Variants in GPC6 observed in about 807,000 individuals in gnomAD.
The protein encoded by GPC6 is glypican 6, also known as glypican-6.
Under a neutral mutation model 55.2 loss-of-function variants are expected in GPC6, and 14 were observed. The ratio of observed to expected loss-of-function variants is 0.25; its 90% CI spans 0.17 to 0.40. The LOEUF (loss-of-function observed/expected upper bound fraction) is 0.40. GPC6 is among the 10% of genes least tolerant of loss of function. GPC6 has a pLI of 1.00. For synonymous variants in GPC6, 278 were observed against 259.6 expected (o/e 1.07, Z -0.68); for missense variants, 641 against 708.5 (o/e 0.90, Z 1.08).
chr13:94,202,128 G>A (rs1889771675), intron 4 of GPC6, among the ~76,000 whole-genome samples: 1 of 152,022 alleles, frequency 6.6e-6, no homozygotes, highest in Non-Finnish European at 1.5e-5. Context: ...TCCTCAAATG[G>A]ATCATAAATT....
At chr13:93,939,440 A>G (rs1013978970) in intron 3 of GPC6, among the ~76,000 whole-genome samples, 2 of 151,494 alleles carry the variant, frequency 1.3e-5, no homozygotes, top group Non-Finnish European at 2.9e-5. Context: ...TAATAATGAT[A>G]ATAATAAATA....
chr13:93,716,036 G>A (rs760674429), intron 2 of GPC6, among the ~76,000 whole-genome samples: 3 of 151,492 alleles, frequency 2.0e-5, no homozygotes, highest in Non-Finnish European at 3.0e-5. Flanking sequence ...GTATCCCCTC[G>A]TGACTCATAG....
chr13:93,770,597 C>T (rs1885259626), intron 2 of GPC6, among the ~76,000 whole-genome samples: 1 of 152,174 alleles, frequency 6.6e-6, no homozygotes. Flanking sequence ...GGTAGAAAGG[C>T]TTATCCACAC....
intron 1 of GPC6, among the ~76,000 whole-genome samples, chr13:93,528,795 G>A (rs1881752375): frequency 6.6e-6 from 1 of 152,074 alleles, no homozygotes; most frequent in South Asian, 2.1e-4. Context: ...AACACAAATG[G>A]AAAATGAGCC....
intron 3 of GPC6, among the ~76,000 whole-genome samples, chr13:93,914,382 A>G (rs1484205355): frequency 6.6e-6 from 1 of 152,178 alleles, no homozygotes; most frequent in Non-Finnish European, 1.5e-5. Flanking sequence ...CCATGTCCCT[A>G]CAAAGGACAT....
chr13:93,495,836 G>GGGGGTCAGGGGTCA (rs1566387906), intron 1 of GPC6, among the ~76,000 whole-genome samples: 2 of 147,198 alleles, frequency 1.4e-5, no homozygotes, highest in African/African-American at 5.0e-5. Flanking sequence ...TAGGCTGCTC[G>GGGGGTCAGGGGTCA]GGGGTCAGGG....
chr13:94,074,760 A>T (rs1220637165), intron 4 of GPC6, among the ~76,000 whole-genome samples: 1 of 152,218 alleles, frequency 6.6e-6, no homozygotes, highest in Non-Finnish European at 1.5e-5. Flanking sequence ...TCTGCCTTGT[A>T]GGAAGATGAT....
intron 2 of GPC6, among the ~76,000 whole-genome samples, chr13:93,751,214 A>G (rs1268264012): frequency 1.3e-5 from 2 of 152,146 alleles, no homozygotes; most frequent in East Asian, 3.9e-4. Context: ...AAGAGGAAGC[A>G]AGCCTGTATG....
intron 4 of GPC6, among the ~76,000 whole-genome samples, chr13:94,280,107 T>A (rs1002594650): frequency 1.1e-4 from 17 of 152,170 alleles, no homozygotes; most frequent in African/African-American, 4.1e-4. Flanking sequence ...AGAACTTGTT[T>A]TATAAATCTG....
At position 93,928,204 on chromosome 13, in the gene GPC6, G is replaced by A. The variant is rs116519447; in HGVS notation, c.711+97659G>A. 4.7e-3 allele frequency among the ~76,000 whole-genome samples: 713 copies of A among 152,208 alleles called. 5 individuals carry two copies. Among genetic ancestry groups the A allele is most frequent in the African/African-American group, 0.017 (687 of 41,546 alleles). On this transcript the variant is annotated intron_variant, in intron 3 of 8. Coordinates refer to ENST00000377047, the MANE Select transcript of GPC6 (RefSeq NM_005708.5). ...GGAGTATAGGTGGAGAAACATCTAGGTGACCACAACTGTATATCCTGAATA... is the reference window on the plus strand; with the variant it reads ...GGAGTATAGGTGGAGAAACATCTAGATGACCACAACTGTATATCCTGAATA...
intron 4 of GPC6, among the ~76,000 whole-genome samples, chr13:94,243,061 G>C (rs996258626): frequency 6.6e-6 from 1 of 152,072 alleles, no homozygotes; most frequent in African/African-American, 2.4e-5. Flanking sequence ...ACAGCTGACA[G>C]TGCCATGGCT....
chr13:94,335,179 G>A (rs748190037), intron 6 of GPC6, among the ~76,000 whole-genome samples: 2 of 152,148 alleles, frequency 1.3e-5, no homozygotes, highest in South Asian at 2.1e-4. Flanking sequence ...GGGCAACAAC[G>A]CTATAAAGGG....
At chr13:93,972,018 T>G (rs1880303337) in intron 3 of GPC6, among the ~76,000 whole-genome samples, 1 of 152,160 alleles carries the variant, frequency 6.6e-6, no homozygotes, top group South Asian at 2.1e-4. Flanking sequence ...ATCCATCCCT[T>G]AGGCAGAGAA....
chr13:94,256,531 G>C (rs1891509538), intron 4 of GPC6, among the ~76,000 whole-genome samples: 1 of 152,104 alleles, frequency 6.6e-6, no homozygotes, highest in Non-Finnish European at 1.5e-5. Context: ...GTATGGCATG[G>C]CCCATCTGCT....
intron 3 of GPC6, among the ~76,000 whole-genome samples, chr13:93,938,510 T>A (rs1566612733): frequency 6.6e-6 from 1 of 152,152 alleles, no homozygotes; most frequent in East Asian, 1.9e-4. Context: ...TATATTGGGA[T>A]AGCTGAAAAA....
intron 1 of GPC6, among the ~76,000 whole-genome samples, chr13:93,506,032 G>A (rs139167398): frequency 2.0e-5 from 3 of 152,160 alleles, no homozygotes; most frequent in East Asian, 1.9e-4. Context: ...ATTGGATACA[G>A]TTATTGCTGC....
At chr13:93,735,629 T>G (rs1001338215) in intron 2 of GPC6, among the ~76,000 whole-genome samples, 1 of 152,186 alleles carries the variant, frequency 6.6e-6, no homozygotes, top group South Asian at 2.1e-4. Context: ...TGAAACTGAT[T>G]CTTCTGAAAA....
At chr13:94,009,448 G>A (rs905775000) in intron 3 of GPC6, among the ~76,000 whole-genome samples, 1 of 152,068 alleles carries the variant, frequency 6.6e-6, no homozygotes, top group Non-Finnish European at 1.5e-5. Context: ...CCAATTTCTG[G>A]TCCTCAGCTA....
chr13:93,891,515 T>C (rs1051230501), intron 3 of GPC6, among the ~76,000 whole-genome samples: 25 of 152,138 alleles, frequency 1.6e-4, no homozygotes. Context: ...ACAGCTCTGG[T>C]CACCAGCTGT....
Sources: allele counts gnomAD v4.1 joint callset (sites outside exome capture counted in the v4.1 genomes callset), GRCh38; gene constraint gnomAD v4.1.1; transcripts MANE v1.5; gene names NCBI Gene and HGNC (gene_info 2026-07-23, HGNC 2026-07-21).